The following NAALADL2 variants were observed in gnomAD, a reference collection of about 807,000 sequenced individuals.
NAALADL2 encodes the protein inactive N-acetylated-alpha-linked acidic dipeptidase-like protein 2.
In NAALADL2, 76 loss-of-function variants were observed where a neutral mutation model predicts 87.2. The observed-to-expected ratio is 0.87, with a 90% confidence interval of 0.72 to 1.05. NAALADL2 has a LOEUF of 1.05. Among genes scored for constraint, NAALADL2 ranks in the 50% least tolerant of loss-of-function variants. NAALADL2 has a pLI of 0.00. For synonymous variants in NAALADL2, 354 were observed against 331.0 expected (o/e 1.07, Z -0.75); for missense variants, 1,089 against 945.8 (o/e 1.15, Z -1.99).
At chr3:175,285,217 A>G (rs886100147) in intron 4 of NAALADL2, among the ~76,000 whole-genome samples, 1 of 152,128 alleles carries the variant, frequency 6.6e-6, no homozygotes, top group Non-Finnish European at 1.5e-5. Context: ...TTAGTTACTC[A>G]CTAGTCAATA....
At chr3:175,219,501 A>G (rs1023625611) in intron 2 of NAALADL2, among the ~76,000 whole-genome samples, 1 of 152,162 alleles carries the variant, frequency 6.6e-6, no homozygotes. Flanking sequence ...CTTTTATGGC[A>G]TCTTTAATGA....
At chr3:175,437,620 C>A (rs2149187476) in intron 5 of NAALADL2, among the ~76,000 whole-genome samples, 1 of 149,560 alleles carries the variant, frequency 6.7e-6, no homozygotes, top group South Asian at 2.2e-4. Context: ...CATATGGAAC[C>A]AAAAAGGAGC....
intron 5 of NAALADL2, among the ~76,000 whole-genome samples, chr3:175,388,556 A>T (rs1768694554): frequency 6.6e-6 from 1 of 152,138 alleles, no homozygotes; most frequent in Non-Finnish European, 1.5e-5. Flanking sequence ...AAATCTAAAG[A>T]TTGTAAATAA....
At chr3:174,987,624 G>T (rs1488843860) in intron 1 of NAALADL2, among the ~76,000 whole-genome samples, 1 of 128,640 alleles carries the variant, frequency 7.8e-6, no homozygotes, top group African/African-American at 2.9e-5. Context: ...AGCATTATTA[G>T]AATTTATTTT....
At chr3:175,275,925 G>A (rs981002833) in intron 4 of NAALADL2, among the ~76,000 whole-genome samples, 4 of 150,936 alleles carry the variant, frequency 2.7e-5, no homozygotes, top group South Asian at 2.1e-4. Flanking sequence ...ATTCATGACC[G>A]TAACCTTATT....
chr3:174,928,934 A>G (rs946470420), intron 1 of NAALADL2, among the ~76,000 whole-genome samples: 9 of 152,242 alleles, frequency 5.9e-5, no homozygotes, highest in African/African-American at 1.9e-4. Flanking sequence ...TCACTTGCCC[A>G]TATAGAACTT....
Position 175,463,724 on chromosome 3 carries a change from G to GAGAGAGAGAGAGAGAGAGAGAGAGAC in NAALADL2, c.1327+243_1327+244insAGAGAGAGAGAGACAGAGAGAGAGAG, listed in dbSNP as rs145842620. Among the ~76,000 whole-genome samples the GAGAGAGAGAGAGAGAGAGAGAGAGAC allele has an allele frequency of 2.4e-4, 35 of 148,232 alleles. 1 individual carries two copies. Among genetic ancestry groups the GAGAGAGAGAGAGAGAGAGAGAGAGAC allele is most frequent in the African/African-American group, 8.8e-4 (34 of 38,636 alleles). On this transcript the variant is annotated intron_variant, in intron 7 of 13. Transcript: ENST00000454872. ...GGGGAGAGAGAGAGAGAGAGAGAGA[G>GAGAGAGAGAGAGAGAGAGAGAGAGAC]AGAGAGAGAGAGGTGGGGATCTCTC...
At chr3:175,763,033 G>A (rs1406716602) in intron 13 of NAALADL2, among the ~76,000 whole-genome samples, 2 of 151,970 alleles carry the variant, frequency 1.3e-5, no homozygotes, top group African/African-American at 2.4e-5. Context: ...GCAGTGAGCC[G>A]AGATGGCGCC....
intron 11 of NAALADL2, among the ~76,000 whole-genome samples, chr3:175,635,195 A>G: frequency 6.6e-6 from 1 of 152,100 alleles, no homozygotes; most frequent in East Asian, 1.9e-4. Context: ...TAATTTGTAA[A>G]GACACGCCTT....
intron 1 of NAALADL2, among the ~76,000 whole-genome samples, chr3:174,498,704 G>A (rs1008084619): frequency 6.6e-6 from 1 of 151,418 alleles, no homozygotes; most frequent in East Asian, 1.9e-4. Flanking sequence ...TTTACATCCC[G>A]GTCTGCAGTG....
intron 2 of NAALADL2, among the ~76,000 whole-genome samples, chr3:174,694,416 C>A (rs929601203): frequency 6.6e-6 from 1 of 151,914 alleles, no homozygotes; most frequent in Admixed American, 6.6e-5. Context: ...CTTTGCATAC[C>A]TATTATGTAA....
rs546288206 is a variant in NAALADL2, at chr3:175,509,387, C to T, written c.1653+37629C>T. 1.3e-4 allele frequency among the ~76,000 whole-genome samples: 20 copies of T among 152,236 alleles called. No individual in the cohort carries two copies. The East Asian group carries it at 2.5e-3, about 19-fold the overall frequency. ...GTAGGGCTTCAGATAGTGATTCCAA[C>T]GTGAACATCTCTCTTATTCTTCCTC... On this transcript the variant is annotated intron_variant, in intron 9 of 13. Transcript: ENST00000454872.
intron 2 of NAALADL2, among the ~76,000 whole-genome samples, chr3:175,209,046 T>G (rs1741383759): frequency 6.6e-6 from 1 of 152,178 alleles, no homozygotes; most frequent in South Asian, 2.1e-4. Context: ...AGCAAAAGCT[T>G]TGTTTAATTG....
At chr3:174,544,791 G>A (rs1722584915) in intron 1 of NAALADL2, among the ~76,000 whole-genome samples, 2 of 151,538 alleles carry the variant, frequency 1.3e-5, no homozygotes, top group African/African-American at 4.8e-5. Context: ...GGAGAGTCTC[G>A]ATCTCCTGAC....
intron 2 of NAALADL2, among the ~76,000 whole-genome samples, chr3:174,723,604 C>T (rs896013458): frequency 5.9e-5 from 9 of 151,380 alleles, no homozygotes; most frequent in African/African-American, 2.2e-4. Flanking sequence ...AAATACAAAA[C>T]AATTAGCCGG....
chr3:175,081,727 A>T (rs1269338060), intron 1 of NAALADL2, among the ~76,000 whole-genome samples: 1 of 152,106 alleles, frequency 6.6e-6, no homozygotes, highest in African/African-American at 2.4e-5. Context: ...ACCATTTCTG[A>T]TTTCTTAACG....
At chr3:175,323,712 A>T (rs1197223905) in intron 4 of NAALADL2, among the ~76,000 whole-genome samples, 3 of 151,538 alleles carry the variant, frequency 2.0e-5, no homozygotes, top group Non-Finnish European at 4.4e-5. Flanking sequence ...GAAATCTAAA[A>T]TCTCTGCTTA....
intron 1 of NAALADL2, among the ~76,000 whole-genome samples, chr3:174,490,121 TTAA>T (rs921021536): frequency 5.9e-5 from 9 of 152,112 alleles, no homozygotes; most frequent in Non-Finnish European, 1.3e-4. Flanking sequence ...AGCAGCATTA[TTAA>T]TAATAGCCAA....
intron 5 of NAALADL2, among the ~76,000 whole-genome samples, chr3:175,421,734 A>G (rs1715733010): frequency 6.6e-6 from 1 of 152,098 alleles, no homozygotes; most frequent in South Asian, 2.1e-4. Context: ...CATGATAAAT[A>G]CTATGAAAAA....
Sources: gnomAD v4.1 joint callset for allele counts (sites outside exome capture counted in the v4.1 genomes callset) on GRCh38, gnomAD v4.1.1 for gene constraint, MANE v1.5 for transcripts, NCBI Gene and HGNC (gene_info 2026-07-23, HGNC 2026-07-21) for gene names.